Variants in TMPRSS11E observed in about 807,000 individuals in gnomAD.
The protein encoded by TMPRSS11E is transmembrane serine protease 11E, also known as transmembrane protease serine 11E.
In TMPRSS11E, 38 loss-of-function variants were observed where a neutral mutation model predicts 48.1. That is an observed-to-expected ratio of 0.79 (90% confidence interval 0.61 to 1.04). TMPRSS11E has a LOEUF of 1.04. TMPRSS11E is among the 50% of genes least tolerant of loss of function. TMPRSS11E has a pLI of 0.00. For missense variants in TMPRSS11E, 530 were observed against 510.8 expected (o/e 1.04, Z -0.36); for synonymous variants, 158 against 171.9 (o/e 0.92, Z 0.63).
chr4:68,485,883 T>A (rs1355421466), intron 9 of TMPRSS11E, among the ~76,000 whole-genome samples: 4 of 152,082 alleles, frequency 2.6e-5, no homozygotes, highest in Non-Finnish European at 4.4e-5. Flanking sequence ...ATATTGGGAG[T>A]TTGTGTTTCC....
chr4:68,459,472 T>C (rs1349850), intron 1 of TMPRSS11E, among the ~76,000 whole-genome samples: 17,725 of 152,184 alleles, frequency 0.12, 1,177 homozygotes, highest in Non-Finnish European at 0.14. Flanking sequence ...TACTAATAAA[T>C]ATTGGTTGTG....
intron 5 of TMPRSS11E, among the ~76,000 whole-genome samples, chr4:68,472,104 T>G (rs1729089467): frequency 6.6e-6 from 1 of 151,918 alleles, no homozygotes; most frequent in African/African-American, 2.4e-5. Context: ...AATGAAAAAT[T>G]TAGGTAGATT....
chr4:68,453,082 T>A (rs1368392381), intron 1 of TMPRSS11E, among the ~76,000 whole-genome samples: 1 of 151,962 alleles, frequency 6.6e-6, no homozygotes, highest in African/African-American at 2.4e-5. Context: ...TCTACCTTCC[T>A]GTCTTTTATT....
chr4:68,491,299 C>CAAAAAAAAA, intron 9 of TMPRSS11E, among the ~76,000 whole-genome samples: 1 of 92,056 alleles, frequency 1.1e-5, no homozygotes, highest in Non-Finnish European at 2.0e-5. Context: ...ATATATGAAG[C>CAAAAAAAAA]AAAAAAAAAA....
intron 1 of TMPRSS11E, among the ~76,000 whole-genome samples, chr4:68,448,621 T>C (rs1252647634): frequency 6.6e-6 from 1 of 151,938 alleles, no homozygotes; most frequent in Non-Finnish European, 1.5e-5. Context: ...TATAAATGTG[T>C]AGAGGCGGTA....
chr4:68,447,861 G>A (rs1459705838), intron 1 of TMPRSS11E, among the ~76,000 whole-genome samples: 1 of 151,614 alleles, frequency 6.6e-6, no homozygotes, highest in Non-Finnish European at 1.5e-5. Flanking sequence ...CTTGGGCTTT[G>A]TTTGTCTTAT....
chr4:68,481,793 T>C lies in TMPRSS11E; in HGVS notation c.1110+2802T>C, dbSNP rs553506696. ...GGGGAAATCCTGTCTCTGCTAGAAATACAAACATTAGCCAATGTGGTGGTG... is the reference window on the plus strand; with the variant it reads ...GGGGAAATCCTGTCTCTGCTAGAAACACAAACATTAGCCAATGTGGTGGTG... On this transcript the variant is annotated intron_variant, in intron 9 of 9. Transcript: ENST00000305363. 3.3e-5 allele frequency among the ~76,000 whole-genome samples: 5 copies of C among 152,144 alleles called. No individual in the cohort carries two copies. In the South Asian group the frequency reaches 1.0e-3, roughly 32 times the overall value.
Position 68,497,347 on chromosome 4 carries a change from A to C in TMPRSS11E, c.*543A>C, listed in dbSNP as rs1390871807. The stretch of plus-strand genomic sequence containing the variant: ...TCATTATGAAAGGTCAAGCAAAGAC[A>C]GCAGAATACCAATCACTTCATCATT... On this transcript the variant is annotated 3_prime_UTR_variant, in exon 10 of 10. Transcript: ENST00000305363. The C allele has an allele frequency of 6.6e-6, 1 of 152,198 alleles. No homozygotes were observed. The highest frequency in any genetic ancestry group is 2.4e-5 in the African/African-American group (1 of 41,458). 9.4% of individuals were successfully genotyped at this position (152,198 alleles called of 1,614,324 possible).
At chr4:68,491,749 T>A (rs1340229475) in intron 9 of TMPRSS11E, among the ~76,000 whole-genome samples, 1 of 152,256 alleles carries the variant, frequency 6.6e-6, no homozygotes. Flanking sequence ...CCTATAGTTC[T>A]CTTCAGAATT....
Position 68,471,604 on chromosome 4 carries a change from T to TA in TMPRSS11E, c.471_472insA (p.His158ThrfsTer4). 1 of 1,591,458 alleles carries TA rather than the reference T, an allele frequency of 6.3e-7. No individual in the cohort carries two copies. The highest frequency in any genetic ancestry group is 2.3e-5 in the East Asian group (1 of 44,302). Reference sequence around the variant, plus strand: ...CTGTAGGACCCCCTAAAGTAGATCCTCACTCAGTTAAAATTAAAAGTAAGT... The same window carrying TA: ...CTGTAGGACCCCCTAAAGTAGATCCTACACTCAGTTAAAATTAAAAGTAAGT... On this transcript the variant is annotated frameshift_variant, in exon 5 of 10. Coordinates refer to ENST00000305363, the MANE Select transcript of TMPRSS11E (RefSeq NM_014058.4). LOFTEE classifies it high-confidence loss of function.
intron 8 of TMPRSS11E, 134 bp from the exon 9 acceptor site, chr4:68,478,715 A>G: frequency 1.1e-6 from 1 of 923,618 alleles, no homozygotes; most frequent in East Asian, 2.5e-5. Context: ...TCGGCCTCTC[A>G]AAGTGCTGGG....
chr4:68,478,564 C>T (rs1393697097), intron 8 of TMPRSS11E, among the ~76,000 whole-genome samples: 1 of 144,134 alleles, frequency 6.9e-6, no homozygotes, highest in Non-Finnish European at 1.5e-5. Flanking sequence ...AAGAGATTTA[C>T]CTGCATCAGC....
Position 68,496,920 on chromosome 4 carries a change from CAAT to C in TMPRSS11E, c.*119_*121del. On this transcript the variant is annotated 3_prime_UTR_variant, in exon 10 of 10. Coordinates refer to ENST00000305363, the MANE Select transcript of TMPRSS11E (RefSeq NM_014058.4). ...CAAAACAGCTAGATTTGACTGATCTCAATAAACTGTTTGCTTGATGCATGTATT... is the reference window on the plus strand; with the variant it reads ...CAAAACAGCTAGATTTGACTGATCTCAAACTGTTTGCTTGATGCATGTATT... 1 of 1,050,324 alleles carries C rather than the reference CAAT, an allele frequency of 9.5e-7. No individual in the cohort carries two copies. The highest frequency in any genetic ancestry group is 1.6e-5 in the South Asian group (1 of 63,460). 65.1% of individuals were successfully genotyped at this position (1,050,324 alleles called of 1,614,324 possible).
intron 1 of TMPRSS11E, among the ~76,000 whole-genome samples, chr4:68,461,163 G>T (rs569262494): frequency 6.6e-6 from 1 of 152,124 alleles, no homozygotes. Context: ...TTATAGGCGT[G>T]AGCCACCGTG....
At chr4:68,468,727 A>G (rs991379285) in intron 3 of TMPRSS11E, 152 bp from the exon 4 acceptor site, 4 of 683,126 alleles carry the variant, frequency 5.9e-6, no homozygotes, top group Non-Finnish European at 1.1e-5. Flanking sequence ...AAACCACAAT[A>G]GATTCCTCAA....
intron 8 of TMPRSS11E, among the ~76,000 whole-genome samples, chr4:68,478,633 T>C (rs2109701234): frequency 6.6e-6 from 1 of 151,434 alleles, no homozygotes; most frequent in East Asian, 2.0e-4. Flanking sequence ...TTTTGTATTT[T>C]TAGTAGAGAC....
At chr4:68,476,135 G>C in intron 6 of TMPRSS11E, 126 bp from the exon 7 acceptor site, 1 of 1,268,216 alleles carries the variant, frequency 7.9e-7, no homozygotes, top group Non-Finnish European at 1.1e-6. Flanking sequence ...GTAAGAGCAT[G>C]AGAAAACATT....
At chr4:68,489,704 A>G (rs1249408365) in intron 9 of TMPRSS11E, among the ~76,000 whole-genome samples, 1 of 152,222 alleles carries the variant, frequency 6.6e-6, no homozygotes. Context: ...GCTGTCAAAA[A>G]ATGCCTTGGC....
At chr4:68,489,565 C>A (rs1026948128) in intron 9 of TMPRSS11E, among the ~76,000 whole-genome samples, 3 of 152,234 alleles carry the variant, frequency 2.0e-5, no homozygotes, top group Non-Finnish European at 4.4e-5. Flanking sequence ...CAGGCAAAGG[C>A]ATGACAGCAA....
Sources: allele counts gnomAD v4.1 joint callset (sites outside exome capture counted in the v4.1 genomes callset), GRCh38; gene constraint gnomAD v4.1.1; transcripts MANE v1.5; gene names NCBI Gene and HGNC (gene_info 2026-07-23, HGNC 2026-07-21).